Variants in SEPTIN6 observed in about 807,000 individuals in gnomAD.
SEPTIN6 encodes the protein septin 6, also known as septin-6.
Under a neutral mutation model 33.6 loss-of-function variants are expected in SEPTIN6, and 8 were observed. The observed-to-expected ratio is 0.24, with a 90% CI of 0.14 to 0.43. The LOEUF (loss-of-function observed/expected upper bound fraction) is 0.43, where lower values mean the gene tolerates loss of function less well. Among genes scored for constraint, SEPTIN6 ranks in the 20% least tolerant of loss-of-function variants. The pLI, the probability that SEPTIN6 is intolerant of heterozygous loss-of-function variation, is 1.00. For missense variants in SEPTIN6, 250 were observed against 340.8 expected, an observed-to-expected ratio of 0.73 and a Z score of 2.10; for synonymous variants, 131 against 140.0, an observed-to-expected ratio of 0.94 and a Z score of 0.45.
rs979621940 is a variant in SEPTIN6, at chrX:119,618,809, C to T, written c.*1284G>A. 1.5e-5 allele frequency: 18 copies of T among 1,208,083 alleles called. No homozygotes were observed. Among genetic ancestry groups the T allele is most frequent in the Middle Eastern group, 4.6e-4 (2 of 4,356 alleles). The stretch of plus-strand genomic sequence containing the variant: ...TTACTGCAAAGGAAGGGCAGAGAGA[C>T]GGCATGTTAGCCACAGATCATTGCC... On this transcript the variant is annotated 3_prime_UTR_variant, in exon 11 of 11. Coordinates refer to ENST00000394610, the MANE Select transcript of SEPTIN6 (RefSeq NM_145799.4).
At chrX:119,680,460 C>T (rs898896380) in intron 1 of SEPTIN6, among the ~76,000 whole-genome samples, 20 of 107,702 alleles carry the variant, frequency 1.9e-4, no homozygotes, top group Non-Finnish European at 3.1e-4. Context: ...CCGGCCACCT[C>T]GGCCTCCCAA....
intron 3 of SEPTIN6, among the ~76,000 whole-genome samples, chrX:119,657,987 C>T (rs1242449770): frequency 1.8e-5 from 2 of 110,685 alleles, no homozygotes; most frequent in East Asian, 2.9e-4. Context: ...ATTAGCCGGG[C>T]GTGGTGGTGG....
chrX:119,635,062 A>C, intron 7 of SEPTIN6: 8 of 318,050 alleles, frequency 2.5e-5, no homozygotes, highest in South Asian at 2.3e-4. Context: ...TAGGATCTTA[A>C]TGTTAAGGGC....
intron 5 of SEPTIN6, among the ~76,000 whole-genome samples, chrX:119,643,205 TC>T (rs1213184399): frequency 1.8e-5 from 2 of 109,936 alleles, no homozygotes; most frequent in African/African-American, 6.6e-5. Context: ...GGAGGACATT[TC>T]CCCTGGAGAG....
intron 3 of SEPTIN6, among the ~76,000 whole-genome samples, chrX:119,658,659 C>T (rs1036986061): frequency 2.5e-4 from 28 of 112,269 alleles, no homozygotes; most frequent in Non-Finnish European, 4.5e-4. Context: ...GTCCCATCAA[C>T]GTGAATGAAA....
At chrX:119,624,144 G>GTTTTTTTTTTTTGTTTTTTTTTTTTTTTT (rs2053817451) in intron 10 of SEPTIN6, 1 of 188,196 alleles carries the variant, frequency 5.3e-6, no homozygotes, top group Non-Finnish European at 9.6e-6. Context: ...TTTATTATGG[G>GTTTTTTTTTTTTGTTTTTTTTTTTTTTTT]TTTTTTTTTT....
Position 119,618,987 on chromosome X carries a change from T to A in SEPTIN6, c.*1106A>T. ...TAAAAACTTAGGGCTGGAATATTTT[T>A]AAACTCTCAACTCCTTAAATTGGAA... On this transcript the variant is annotated 3_prime_UTR_variant, in exon 11 of 11. Transcript: ENST00000394610. The A allele has an allele frequency of 1.0e-6, 1 of 982,228 alleles. No homozygotes were observed. The highest frequency in any genetic ancestry group is 4.1e-4 in the Middle Eastern group (1 of 2,417). 80.9% of individuals were successfully genotyped at this position (982,228 alleles called of 1,213,427 possible). A position where few individuals can be genotyped will look rare whatever the true frequency, so the allele number is the denominator to read the frequency against.
At chrX:119,644,719 C>A (rs900000855) in intron 5 of SEPTIN6, among the ~76,000 whole-genome samples, 8 of 108,229 alleles carry the variant, frequency 7.4e-5, no homozygotes, top group Non-Finnish European at 1.5e-4. Flanking sequence ...TGGTGGCGGG[C>A]GCCTGTAATC....
Position 119,686,290 on chromosome X carries a change from T to C in SEPTIN6, c.30+6786A>G, listed in dbSNP as rs909582000. On this transcript the variant is annotated intron_variant, in intron 1 of 10. Coordinates refer to ENST00000394610, the MANE Select transcript of SEPTIN6 (RefSeq NM_145799.4). ...AGTGTTCAGAGCTGGGGGCCTCCAA[T>C]GTGAAAGGAAACCGAACACGACCTC... 2.6e-4 allele frequency among the ~76,000 whole-genome samples: 29 copies of C among 111,047 alleles called. 1 individual carries two copies. The highest frequency in any genetic ancestry group is 9.8e-5 in the African/African-American group (3 of 30,476).
chrX:119,628,081 G>T (rs1041740881), intron 9 of SEPTIN6, among the ~76,000 whole-genome samples: 4 of 107,035 alleles, frequency 3.7e-5, no homozygotes, highest in East Asian at 2.9e-4. Flanking sequence ...ATTACACCAC[G>T]CCCGGCCCGT....
intron 3 of SEPTIN6, among the ~76,000 whole-genome samples, chrX:119,654,587 T>C (rs780415260): frequency 4.5e-5 from 5 of 111,464 alleles, no homozygotes; most frequent in Admixed American, 9.5e-5. Flanking sequence ...ATCCCCCTAG[T>C]AGAGAAGGGG....
At chrX:119,688,710 GAAAA>G (rs150477050) in intron 1 of SEPTIN6, among the ~76,000 whole-genome samples, 1 of 78,774 alleles carries the variant, frequency 1.3e-5, no homozygotes. Flanking sequence ...CCATCTCGGG[GAAAA>G]AAAAAAAAAA....
chrX:119,627,355 A>C (rs771999768), intron 9 of SEPTIN6, among the ~76,000 whole-genome samples: 25 of 110,664 alleles, frequency 2.3e-4, no homozygotes, highest in Middle Eastern at 4.6e-3. Flanking sequence ...TTCTGGGATG[A>C]GGAATGGGTA....
At chrX:119,653,083 T>C (rs2147542100) in intron 3 of SEPTIN6, 43 bp from the exon 4 acceptor site, 2 of 1,104,152 alleles carry the variant, frequency 1.8e-6, no homozygotes, top group Non-Finnish European at 2.5e-6. Context: ...CGTCAAAAAC[T>C]TGGATTTTGA....
Position 119,621,446 on chromosome X carries a change from GGTGTGTGT to G in SEPTIN6, c.*42-1403_*42-1396del, listed in dbSNP as rs34517524. 7.9e-3 allele frequency among the ~76,000 whole-genome samples: 502 copies of G among 63,484 alleles called. 3 individuals carry two copies. Among genetic ancestry groups the G allele is most frequent in the African/African-American group, 0.015 (247 of 16,429 alleles). 55.1% of individuals were successfully genotyped at this position (63,484 alleles called of 115,157 possible). ...AAGAGTCACAGCTGGGCCCAGAGCT[GGTGTGTGT>G]GTGTGTGTGTGTGTGTGTGTGTGTG... On this transcript the variant is annotated intron_variant, in intron 10 of 10. Transcript: ENST00000394610.
At chrX:119,681,851 A>G (rs2054965892) in intron 1 of SEPTIN6, among the ~76,000 whole-genome samples, 1 of 111,406 alleles carries the variant, frequency 9.0e-6, no homozygotes, top group South Asian at 3.7e-4. Context: ...AACCTGGGCA[A>G]CACAGCAGAA....
chrX:119,662,256 C>G (rs897083173), intron 3 of SEPTIN6, among the ~76,000 whole-genome samples: 2 of 112,096 alleles, frequency 1.8e-5, no homozygotes, highest in Non-Finnish European at 3.8e-5. Context: ...TTTCTAGCCT[C>G]TTCTCATCTC....
chrX:119,642,516 A>G (rs2054173059), intron 5 of SEPTIN6, among the ~76,000 whole-genome samples: 1 of 109,423 alleles, frequency 9.1e-6, no homozygotes, highest in Admixed American at 9.9e-5. Flanking sequence ...TTCAAACCCC[A>G]CCCCTTGCTG....
At chrX:119,651,677 T>A (rs62599915) in intron 4 of SEPTIN6, among the ~76,000 whole-genome samples, 52,840 of 109,562 alleles carry the variant, frequency 0.48, 10,656 homozygotes, top group African/African-American at 0.77. Flanking sequence ...GTCTCAAAAA[T>A]AAATAAATAA....
Sources: gnomAD v4.1 joint callset for allele counts (sites outside exome capture counted in the v4.1 genomes callset) on GRCh38, gnomAD v4.1.1 for gene constraint, MANE v1.5 for transcripts, NCBI Gene and HGNC (gene_info 2026-07-23, HGNC 2026-07-21) for gene names.